FOXI2: variants seen among roughly 807,000 people sequenced by gnomAD.
FOXI2 encodes forkhead box protein I2.
In FOXI2, 17 loss-of-function variants were observed where a neutral mutation model predicts 14.3. The ratio of observed to expected loss-of-function variants is 1.19; its 90% CI spans 0.81 to 1.78. The LOEUF (loss-of-function observed/expected upper bound fraction) is 1.78, where lower values mean the gene tolerates loss of function less well. Among genes scored for constraint, FOXI2 ranks in the 40% most tolerant of loss-of-function variants. FOXI2 has a pLI of 0.00. For missense variants in FOXI2, 541 were observed against 460.0 expected (o/e 1.18, Z -1.61); for synonymous variants, 240 against 218.8 (o/e 1.10, Z -0.85).
chr10:127,738,975 G>A lies in FOXI2; in HGVS notation c.*10G>A, dbSNP rs1340679104. 6.3e-6 allele frequency: 10 copies of A among 1,596,066 alleles called. No individual in the cohort carries two copies. Among genetic ancestry groups the A allele is most frequent in the African/African-American group, 1.3e-5 (1 of 74,786 alleles). On this transcript the variant is annotated 3_prime_UTR_variant, in exon 2 of 2. Coordinates refer to ENST00000388920, the MANE Select transcript of FOXI2 (RefSeq NM_207426.3). The stretch of plus-strand genomic sequence containing the variant: ...AGGGACCGAAGTTTGAAGGGAGGCT[G>A]GAGGCTAGCCGGGTGCGGGTCCAGA...
intron 1 of FOXI2, among the ~76,000 whole-genome samples, 186 bp downstream of exon 1, chr10:127,737,970 C>T (rs1349090656): frequency 6.6e-6 from 1 of 152,166 alleles, no homozygotes; most frequent in Non-Finnish European, 1.5e-5. Context: ...GCGGCTGAGC[C>T]CACCACAGGC....
At position 127,739,639 on chromosome 10, in the gene FOXI2, C is replaced by G. The variant is rs1224867912; in HGVS notation, c.*674C>G. 1.3e-5 allele frequency: 2 copies of G among 152,416 alleles called. No homozygotes were observed. The highest frequency in any genetic ancestry group is 4.8e-5 in the African/African-American group (2 of 41,402). 9.4% of individuals were successfully genotyped at this position (152,416 alleles called of 1,614,324 possible). A position where few individuals can be genotyped will look rare whatever the true frequency, so the allele number is the denominator to read the frequency against. ...AAAGCGCCCTTGGGATACCAGCTCCCTTCCCTGTCACTCAGCCCTGGTCCT... is the reference window on the plus strand; with the variant it reads ...AAAGCGCCCTTGGGATACCAGCTCCGTTCCCTGTCACTCAGCCCTGGTCCT... On this transcript the variant is annotated 3_prime_UTR_variant, in exon 2 of 2. Transcript: ENST00000388920.
In FOXI2 at chr10:127,738,614, C is replaced by T; in HGVS notation, c.606C>T (p.Ser202=). 2 of 1,606,686 alleles carry T rather than the reference C, an allele frequency of 1.2e-6. No homozygotes were observed. Among genetic ancestry groups the T allele is most frequent in the African/African-American group, 1.3e-5 (1 of 74,858 alleles). ...AGAGGAAGAGGAGAGCTGAAGCCAG[C>T]GCGGCCGTGCGCTCGGGAGCCAGGA... ...RRKRKRRAEA[S]AAVRSGARSV... The change falls in exon 2 of 2, where the codon AGC becomes AGT. Residue 202 remains serine, a synonymous_variant. Transcript: ENST00000388920.
In FOXI2 at chr10:127,737,653, A is replaced by G. The variant is rs772465299; in HGVS notation, c.380A>G (p.Gln127Arg). ...CCGCTGCGGAAGCTGACGCTCAGCC[A>G]GATCTACCAGTACGTGGCTGGTAAC... ...SAPLRKLTLS[Q>R]IYQYVAGNFP... The change falls in exon 1 of 2, where the codon CAG becomes CGG. Residue 127 changes from glutamine (Q) to arginine (R), a missense_variant. Coordinates refer to ENST00000388920, the MANE Select transcript of FOXI2 (RefSeq NM_207426.3). 1.3e-6 allele frequency: 2 copies of G among 1,586,334 alleles called. No individual in the cohort carries two copies. The highest frequency in any genetic ancestry group is 1.8e-5 in the Admixed American group (1 of 55,198).
chr10:127,737,738 G>T lies in FOXI2; in HGVS notation c.465G>T (p.Ser155=), dbSNP rs1362029333. 1 of 1,612,798 alleles carries T rather than the reference G, an allele frequency of 6.2e-7. No individual in the cohort carries two copies. Among genetic ancestry groups the T allele is most frequent in the Middle Eastern group, 1.7e-4 (1 of 6,050 alleles). ...AGAACTCCATCCGCCACAACCTGTC[G>T]CTCAACGACTGCTTCAAGAAGGTGC... ...GWQNSIRHNL[S]LNDCFKKVPR... Residue 155 remains serine (S), a synonymous_variant, in exon 1 of 2, where the codon TCG becomes TCT. Transcript: ENST00000388920.
rs1591212713 is a variant in FOXI2, at chr10:127,740,190, C to CT, written c.*1225_*1226insT. The stretch of plus-strand genomic sequence containing the variant: ...TCATACTCACACACCCACACCCACA[C>CT]CCACACCCACACCCACACCCACACC... On this transcript the variant is annotated 3_prime_UTR_variant, in exon 2 of 2. Transcript: ENST00000388920. The CT allele has an allele frequency of 2.0e-5, 3 of 149,522 alleles. No individual in the cohort carries two copies. Among genetic ancestry groups the CT allele is most frequent in the South Asian group, 4.3e-4 (2 of 4,690 alleles). 9.3% of individuals were successfully genotyped at this position (149,522 alleles called of 1,614,324 possible). A position where few individuals can be genotyped will look rare whatever the true frequency, so the allele number is the denominator to read the frequency against.
chr10:127,739,797 T>TCACACTCACACTCACACC lies in FOXI2; in HGVS notation c.*837_*838insTCACACTCACACCCACAC, dbSNP rs1412074171. ...CCCACACCCACACTCACACCCACAC[T>TCACACTCACACTCACACC]CACACCCACACTCACACCCACACCC... On this transcript the variant is annotated 3_prime_UTR_variant, in exon 2 of 2. Coordinates refer to ENST00000388920, the MANE Select transcript of FOXI2 (RefSeq NM_207426.3). 9.7e-6 allele frequency: 1 copy of TCACACTCACACTCACACC among 103,030 alleles called. No homozygotes were observed. Among genetic ancestry groups the TCACACTCACACTCACACC allele is most frequent in the Non-Finnish European group, 2.0e-5 (1 of 50,322 alleles). The allele number at this position is 103,030 out of a possible 1,614,324, so 6.4% of individuals were successfully genotyped here.
rs1846518080 is a variant in FOXI2, at chr10:127,741,003, T to C, written c.*2038T>C. 6.6e-6 allele frequency: 1 copy of C among 152,178 alleles called. No homozygotes were observed. The highest frequency in any genetic ancestry group is 6.5e-5 in the Admixed American group (1 of 15,274). 9.4% of individuals were successfully genotyped at this position (152,178 alleles called of 1,614,324 possible). On this transcript the variant is annotated 3_prime_UTR_variant, in exon 2 of 2. Coordinates refer to ENST00000388920, the MANE Select transcript of FOXI2 (RefSeq NM_207426.3). ...GTGCCAGTTGTGTTGAAGGTGATGATGTCGCCTAACTAAACTCACAACCAA... is the reference window on the plus strand; with the variant it reads ...GTGCCAGTTGTGTTGAAGGTGATGACGTCGCCTAACTAAACTCACAACCAA...
chr10:127,737,279 C>A lies in FOXI2; in HGVS notation c.6C>A (p.Ala2=). The change falls in exon 1 of 2, where the codon GCC becomes GCA. Residue 2 remains alanine, a synonymous_variant. Transcript: ENST00000388920. The stretch of plus-strand genomic sequence containing the variant: ...AGGCCCGGGCGCGGCTGGACATGGC[C>A]ACCTACTGCGACGACCTGGGCCCCT... M[A]TYCDDLGPSS... 4 of 1,474,274 alleles carry A rather than the reference C, an allele frequency of 2.7e-6. No homozygotes were observed. The highest frequency in any genetic ancestry group is 3.6e-6 in the Non-Finnish European group (4 of 1,122,992). 91.3% of individuals were successfully genotyped at this position (1,474,274 alleles called of 1,614,324 possible). A position where few individuals can be genotyped will look rare whatever the true frequency, so the allele number is the denominator to read the frequency against.
At position 127,740,460 on chromosome 10, in the gene FOXI2, G is replaced by A. The variant is rs1169779692; in HGVS notation, c.*1495G>A. 2 of 151,942 alleles carry A rather than the reference G, an allele frequency of 1.3e-5. No homozygotes were observed. The highest frequency in any genetic ancestry group is 6.6e-5 in the Admixed American group (1 of 15,240). The allele number at this position is 151,942 out of a possible 1,614,324, so 9.4% of individuals were successfully genotyped here. On this transcript the variant is annotated 3_prime_UTR_variant, in exon 2 of 2. Transcript: ENST00000388920. ...CTCCTTAGAGGACCTAAGTGCCCCA[G>A]TCAGATGCCCTGAGTCTTTGTGGCA...
chr10:127,738,144 A>G (rs1846441962), intron 1 of FOXI2, among the ~76,000 whole-genome samples: 1 of 152,142 alleles, frequency 6.6e-6, no homozygotes, highest in Non-Finnish European at 1.5e-5. Context: ...TACCCCAAGG[A>G]TGGGCAAAAC....
rs1173967584 is a variant in FOXI2, at chr10:127,737,606, C to G, written c.333C>G (p.Ile111Met). The stretch of plus-strand genomic sequence containing the variant: ...CGCCCTACTCCTACTCGGCGCTCAT[C>G]GCCATGGCCATCCAGAGCGCGCCGC... ...VRPPYSYSALIAMAIQSAPLR... is the reference protein window; with the variant it reads ...VRPPYSYSALMAMAIQSAPLR... Residue 111 changes from isoleucine to methionine, a missense_variant, in exon 1 of 2, where the codon ATC (isoleucine) becomes ATG (methionine). Coordinates refer to ENST00000388920, the MANE Select transcript of FOXI2 (RefSeq NM_207426.3). 1 of 1,557,602 alleles carries G rather than the reference C, an allele frequency of 6.4e-7. No individual in the cohort carries two copies. The highest frequency in any genetic ancestry group is 1.2e-5 in the South Asian group (1 of 84,558).
chr10:127,740,142 C>G lies in FOXI2; in HGVS notation c.*1177C>G, dbSNP rs1273216568. 2.0e-5 allele frequency: 1 copy of G among 49,472 alleles called. No individual in the cohort carries two copies. The highest frequency in any genetic ancestry group is 4.7e-5 in the African/African-American group (1 of 21,270). 3.1% of individuals were successfully genotyped at this position (49,472 alleles called of 1,614,324 possible). A position where few individuals can be genotyped will look rare whatever the true frequency, so the allele number is the denominator to read the frequency against. ...ACTCACACCCACACACACCCACACT[C>G]ATACTCACACCCACACCCACACTCA... On this transcript the variant is annotated 3_prime_UTR_variant, in exon 2 of 2. Transcript: ENST00000388920.
rs1014084528 is a variant in FOXI2 at position 127,740,431 on chromosome 10, T to A, written c.*1466T>A. ...CTGGGAAGAGGAATTTTTTGGCCTC[T>A]GTACTCCTTAGAGGACCTAAGTGCC... On this transcript the variant is annotated 3_prime_UTR_variant, in exon 2 of 2. Transcript: ENST00000388920. 1 of 152,206 alleles carries A rather than the reference T, an allele frequency of 6.6e-6. No individual in the cohort carries two copies. The highest frequency in any genetic ancestry group is 1.5e-5 in the Non-Finnish European group (1 of 68,076). 9.4% of individuals were successfully genotyped at this position (152,206 alleles called of 1,614,324 possible).
chr10:127,739,785 T>TCACACCCACACTCACACC lies in FOXI2; in HGVS notation c.*826_*843dup, dbSNP rs1846472090. ...AGGTTTGTGCCACCCACACCCACAC[T>TCACACCCACACTCACACC]CACACCCACACTCACACCCACACTC... On this transcript the variant is annotated 3_prime_UTR_variant, in exon 2 of 2. Coordinates refer to ENST00000388920, the MANE Select transcript of FOXI2 (RefSeq NM_207426.3). The TCACACCCACACTCACACC allele has an allele frequency of 7.9e-6, 1 of 127,264 alleles. No homozygotes were observed. Among genetic ancestry groups the TCACACCCACACTCACACC allele is most frequent in the Non-Finnish European group, 1.6e-5 (1 of 60,712 alleles). The allele number at this position is 127,264 out of a possible 1,614,324, so 7.9% of individuals were successfully genotyped here.
In FOXI2 at chr10:127,740,067, C is replaced by G. The variant is rs1846497346; in HGVS notation, c.*1102C>G. 2.0e-4 allele frequency: 4 copies of G among 19,618 alleles called. 1 individual carries two copies. Among genetic ancestry groups the G allele is most frequent in the African/African-American group, 3.9e-4 (4 of 10,198 alleles). 1.2% of individuals were successfully genotyped at this position (19,618 alleles called of 1,614,324 possible). A position where few individuals can be genotyped will look rare whatever the true frequency, so the allele number is the denominator to read the frequency against. ...TGACACCCACACTCACACCCACACT[C>G]ATACTCACACTCACACCCACACTCA... On this transcript the variant is annotated 3_prime_UTR_variant, in exon 2 of 2. Coordinates refer to ENST00000388920, the MANE Select transcript of FOXI2 (RefSeq NM_207426.3).
At position 127,737,420 on chromosome 10, in the gene FOXI2, C is replaced by G; in HGVS notation, c.147C>G (p.Ser49Arg). 7.3e-7 allele frequency: 1 copy of G among 1,375,100 alleles called. No individual in the cohort carries two copies. The allele number at this position is 1,375,100 out of a possible 1,614,324, so 85.2% of individuals were successfully genotyped here. ...PLLWVNAPAL[S>R]PKSYASGPGP... ...TGTGGGTGAACGCGCCAGCGCTCAG[C>G]CCCAAGTCCTACGCTTCGGGTCCCG... The change falls in exon 1 of 2, where the codon AGC (serine) becomes AGG (arginine). Residue 49 changes from serine to arginine, a missense_variant. By Grantham distance (110) the Ser-to-Arg change is moderately radical. Transcript: ENST00000388920.
chr10:127,737,282 C>T lies in FOXI2; in HGVS notation c.9C>T (p.Thr3=). The change falls in exon 1 of 2, where the codon ACC becomes ACT. Residue 3 remains threonine (T), a synonymous_variant. Transcript: ENST00000388920. The part of the protein sequence containing the change: MA[T]YCDDLGPSSA... ...CCCGGGCGCGGCTGGACATGGCCAC[C>T]TACTGCGACGACCTGGGCCCCTCCT... The T allele has an allele frequency of 1.4e-6, 2 of 1,473,740 alleles. No individual in the cohort carries two copies. Among genetic ancestry groups the T allele is most frequent in the South Asian group, 2.6e-5 (2 of 77,640 alleles). The allele number at this position is 1,473,740 out of a possible 1,614,324, so 91.3% of individuals were successfully genotyped here.
rs1564749023 is a variant in FOXI2, at chr10:127,739,820, C to CCCACACCCACA, written c.*858_*868dup. ...ACTCACACCCACACTCACACCCACA[C>CCCACACCCACA]CCACACCCACACCCACACTCACACT... On this transcript the variant is annotated 3_prime_UTR_variant, in exon 2 of 2. Coordinates refer to ENST00000388920, the MANE Select transcript of FOXI2 (RefSeq NM_207426.3). 73 of 106,138 alleles carry CCCACACCCACA rather than the reference C, an allele frequency of 6.9e-4. 1 individual carries two copies. The highest frequency in any genetic ancestry group is 2.7e-3 in the African/African-American group (70 of 26,190). The allele number at this position is 106,138 out of a possible 1,614,324, so 6.6% of individuals were successfully genotyped here.
Sources: allele counts gnomAD v4.1 joint callset (sites outside exome capture counted in the v4.1 genomes callset), GRCh38; gene constraint gnomAD v4.1.1; transcripts MANE v1.5; gene names NCBI Gene and HGNC (gene_info 2026-07-23, HGNC 2026-07-21).